The following MTDH variants were observed in gnomAD, a reference collection of about 807,000 sequenced individuals.
The protein encoded by MTDH is protein LYRIC.
Under a neutral mutation model 72.7 loss-of-function variants are expected in MTDH, and 34 were observed. The observed-to-expected ratio is 0.47, with a 90% CI of 0.36 to 0.62. MTDH has a LOEUF of 0.62. Among genes scored for constraint, MTDH ranks in the 20% least tolerant of loss-of-function variants. The pLI, the probability that MTDH is intolerant of heterozygous loss-of-function variation, is 0.00. For missense variants in MTDH, 677 were observed against 699.4 expected (o/e 0.97, Z 0.36); for synonymous variants, 266 against 268.9 (o/e 0.99, Z 0.10).
At chr8:97,680,152 A>T (rs1197830499) in intron 2 of MTDH, among the ~76,000 whole-genome samples, 1 of 152,092 alleles carries the variant, frequency 6.6e-6, no homozygotes, top group African/African-American at 2.4e-5. Flanking sequence ...GGCTCACTGC[A>T]ACCTCGACCT....
At chr8:97,719,911 G>A (rs1815037212) in intron 10 of MTDH, among the ~76,000 whole-genome samples, 1 of 152,198 alleles carries the variant, frequency 6.6e-6, no homozygotes, top group Non-Finnish European at 1.5e-5. Context: ...GAAAGTATCT[G>A]TATGGCAGAA....
chr8:97,694,136 CTT>C (rs1270087752), intron 6 of MTDH, among the ~76,000 whole-genome samples: 1 of 151,528 alleles, frequency 6.6e-6, no homozygotes, highest in Non-Finnish European at 1.5e-5. Flanking sequence ...ATACTAGAAA[CTT>C]TTTAGTTTTA....
chr8:97,677,077 G>T (rs997825057), intron 2 of MTDH, among the ~76,000 whole-genome samples: 8 of 146,500 alleles, frequency 5.5e-5, no homozygotes, highest in African/African-American at 1.8e-4. Context: ...CAGCTACGTG[G>T]GAAGCTGAGG....
chr8:97,705,328 G>T (rs1263278655), intron 7 of MTDH, among the ~76,000 whole-genome samples: 2 of 149,180 alleles, frequency 1.3e-5, no homozygotes, highest in Admixed American at 1.3e-4. Context: ...ATTGCTGGGC[G>T]TGGTGCCTCA....
intron 2 of MTDH, among the ~76,000 whole-genome samples, chr8:97,679,126 G>T (rs1563539944): frequency 1.3e-5 from 2 of 152,152 alleles, no homozygotes; most frequent in African/African-American, 2.4e-5. Flanking sequence ...TGATTTGGGG[G>T]TTGGTTAGTA....
rs1318574758 is a variant in MTDH at position 97,689,021 on chromosome 8, A to AT, written c.746-14dup. ...CCCTATTTAGTATTAAATAAATTTT[A>AT]TTTCTATTTTAACCAGGTGATTCTC... On this transcript the variant is annotated splice_polypyrimidine_tract_variant and intron_variant, in intron 4 of 11. Transcript: ENST00000336273. The AT allele has an allele frequency of 7.0e-7, 1 of 1,420,998 alleles. No individual in the cohort carries two copies. Among genetic ancestry groups the AT allele is most frequent in the Non-Finnish European group, 9.7e-7 (1 of 1,026,098 alleles). 88.0% of individuals were successfully genotyped at this position (1,420,998 alleles called of 1,614,324 possible). A position where few individuals can be genotyped will look rare whatever the true frequency, so the allele number is the denominator to read the frequency against.
chr8:97,684,285 G>A (rs1220178758), intron 2 of MTDH, among the ~76,000 whole-genome samples: 5 of 152,026 alleles, frequency 3.3e-5, no homozygotes, highest in Non-Finnish European at 7.4e-5. Flanking sequence ...TGAAATGACA[G>A]TATTATAGAT....
At position 97,691,074 on chromosome 8, in the gene MTDH, G is replaced by T. The variant is rs1378708158; in HGVS notation, c.934G>T (p.Ala312Ser). The T allele has an allele frequency of 1.2e-6, 2 of 1,614,168 alleles. No homozygotes were observed. The highest frequency in any genetic ancestry group is 1.7e-6 in the Non-Finnish European group (2 of 1,180,024). ...EKWNSVSPAS[A>S]GKRKTEPSAW... ...GTGGAACTCCGTTTCACCTGCTTCT[G>T]CAGGAAAGAGGAAAACTGAGCCATC... The change falls in exon 6 of 12, where the codon GCA becomes TCA. Residue 312 changes from alanine (A) to serine (S), a missense_variant. Physicochemically the swap from Ala to Ser is moderately conservative, Grantham distance 99. Transcript: ENST00000336273.
chr8:97,650,408 G>A (rs139811436), intron 1 of MTDH, among the ~76,000 whole-genome samples: 70 of 152,004 alleles, frequency 4.6e-4, no homozygotes, highest in African/African-American at 1.6e-3. Flanking sequence ...CTGAGTAGCT[G>A]GGACTACAGA....
intron 2 of MTDH, among the ~76,000 whole-genome samples, chr8:97,682,274 A>ATTT (rs1813163027): frequency 1.9e-4 from 1 of 5,216 alleles, no homozygotes; most frequent in East Asian, 4.3e-3. Context: ...ATATATATAT[A>ATTT]TATATATTTT....
At chr8:97,704,929 T>G (rs1049007486) in intron 7 of MTDH, among the ~76,000 whole-genome samples, 5 of 152,200 alleles carry the variant, frequency 3.3e-5, no homozygotes. Flanking sequence ...ATTGCAGAGT[T>G]ATGTATAGCA....
intron 4 of MTDH, among the ~76,000 whole-genome samples, chr8:97,688,088 G>A (rs1813437935): frequency 6.6e-6 from 1 of 152,148 alleles, no homozygotes; most frequent in Non-Finnish European, 1.5e-5. Flanking sequence ...AGCTAGACCA[G>A]AACTTCAAAG....
chr8:97,694,951 A>C (rs1322694669), intron 6 of MTDH, among the ~76,000 whole-genome samples: 1 of 151,996 alleles, frequency 6.6e-6, no homozygotes, highest in Non-Finnish European at 1.5e-5. Flanking sequence ...ACCTTCCCTA[A>C]ATTCCCACTC....
intron 2 of MTDH, among the ~76,000 whole-genome samples, chr8:97,682,077 T>C (rs1251185193): frequency 6.6e-6 from 1 of 151,096 alleles, no homozygotes; most frequent in Non-Finnish European, 1.5e-5. Flanking sequence ...CCTTCAAAAG[T>C]CTTAGCTAAA....
At chr8:97,722,276 A>G (rs1815159939) in intron 10 of MTDH, among the ~76,000 whole-genome samples, 1 of 152,190 alleles carries the variant, frequency 6.6e-6, no homozygotes. Flanking sequence ...AAAGAAAAGC[A>G]TAAAATCATC....
chr8:97,724,134 T>A (rs1815262902), intron 11 of MTDH, among the ~76,000 whole-genome samples: 1 of 152,162 alleles, frequency 6.6e-6, no homozygotes, highest in African/African-American at 2.4e-5. Flanking sequence ...TCTATCTATC[T>A]CTGAAGGAGA....
At chr8:97,667,999 G>A (rs1812458713) in intron 2 of MTDH, among the ~76,000 whole-genome samples, 1 of 151,892 alleles carries the variant, frequency 6.6e-6, no homozygotes, top group South Asian at 2.1e-4. Flanking sequence ...CATTTTGGAA[G>A]ATCTACCGCC....
intron 7 of MTDH, among the ~76,000 whole-genome samples, chr8:97,705,189 T>C (rs1185077762): frequency 3.3e-4 from 47 of 142,146 alleles, no homozygotes; most frequent in Admixed American, 2.8e-3. Flanking sequence ...CCCAGCTACT[T>C]GGGAGGCTGA....
intron 8 of MTDH, among the ~76,000 whole-genome samples, chr8:97,710,683 C>CAAAA (rs376391821): frequency 1.9e-5 from 1 of 53,106 alleles, no homozygotes; most frequent in Non-Finnish European, 3.4e-5. Context: ...GAGACTATCT[C>CAAAA]AAAAAAAAAA....
Sources: allele counts gnomAD v4.1 joint callset (sites outside exome capture counted in the v4.1 genomes callset), GRCh38; gene constraint gnomAD v4.1.1; transcripts MANE v1.5; gene names NCBI Gene and HGNC (gene_info 2026-07-23, HGNC 2026-07-21).